The following KDM4B variants were observed in gnomAD, a reference collection of about 807,000 sequenced individuals.
The protein encoded by KDM4B is lysine demethylase 4B, also known as lysine-specific demethylase 4B.
A neutral mutation model predicts 125.2 loss-of-function variants in KDM4B; 32 were observed. The ratio of observed to expected loss-of-function variants is 0.26; its 90% CI spans 0.19 to 0.34. The LOEUF is 0.34. Ranked by LOEUF, KDM4B falls within the 10% of genes least tolerant of loss-of-function variation. The probability of loss-of-function intolerance (pLI) is 1.00; values close to 1 mark genes in which losing one functional copy is unlikely to be tolerated. For synonymous variants in KDM4B, 721 were observed against 677.9 expected (o/e 1.06, Z -0.99); for missense variants, 1,190 against 1,577.7 (o/e 0.75, Z 4.16).
intron 1 of KDM4B, among the ~76,000 whole-genome samples, chr19:4,990,855 T>C (rs916889684): frequency 6.6e-6 from 1 of 152,238 alleles, no homozygotes; most frequent in Non-Finnish European, 1.5e-5. Flanking sequence ...GTATGATGGC[T>C]CACGCCTATA....
intron 2 of KDM4B, among the ~76,000 whole-genome samples, chr19:5,018,854 A>G (rs1214229854): frequency 2.0e-5 from 3 of 152,206 alleles, no homozygotes; most frequent in Admixed American, 2.0e-4. Flanking sequence ...TGAGTGGCCC[A>G]TCCTCAGAGT....
chr19:5,100,305 T>C (rs956386338), intron 9 of KDM4B, among the ~76,000 whole-genome samples: 1 of 152,272 alleles, frequency 6.6e-6, no homozygotes, highest in African/African-American at 2.4e-5. Context: ...CCTGTCTTTC[T>C]TGTTTCTATT....
chr19:5,074,732 G>C (rs991306466), intron 7 of KDM4B: 3 of 152,366 alleles, frequency 2.0e-5, no homozygotes, highest in African/African-American at 7.2e-5. Context: ...CAGAAGCACC[G>C]TGGCCCCGCT....
In KDM4B at chr19:5,033,023, C is replaced by T; in HGVS notation, c.133C>T (p.Leu45=). The change falls in exon 3 of 23, where the codon CTG becomes TTG. Residue 45 remains leucine, a synonymous_variant. Transcript: ENST00000159111. Reference sequence around the variant, plus strand: ...GTCGCAGGGAGCCCACCGGGCGGGCCTGGCCAAGGTGGGTGACATCCTGGC... The same window carrying T: ...GTCGCAGGGAGCCCACCGGGCGGGCTTGGCCAAGGTGGGTGACATCCTGGC... The part of the protein sequence containing the change: ...IESQGAHRAG[L]AKIIPPKEWK... The T allele has an allele frequency of 6.2e-7, 1 of 1,613,582 alleles. No homozygotes were observed.
intron 1 of KDM4B, among the ~76,000 whole-genome samples, chr19:4,973,564 T>C (rs531687444): frequency 6.6e-6 from 1 of 152,292 alleles, no homozygotes; most frequent in East Asian, 1.9e-4. Context: ...ATTTGTATCT[T>C]CCCAAATACT....
At chr19:4,999,487 C>T (rs1010125830) in intron 1 of KDM4B, among the ~76,000 whole-genome samples, 17 of 152,180 alleles carry the variant, frequency 1.1e-4, no homozygotes, top group South Asian at 4.1e-4. Context: ...ACTTAGAAAC[C>T]GAGATCCAGG....
chr19:5,004,571 T>C (rs992197717), intron 1 of KDM4B, among the ~76,000 whole-genome samples: 17 of 152,210 alleles, frequency 1.1e-4, no homozygotes, highest in Admixed American at 2.0e-4. Flanking sequence ...CCAGTCCCTG[T>C]GACCCGGTGT....
intron 6 of KDM4B, among the ~76,000 whole-genome samples, chr19:5,061,834 A>C (rs1259562667): frequency 1.3e-5 from 2 of 152,000 alleles, no homozygotes; most frequent in Admixed American, 6.5e-5. Flanking sequence ...CTCTTAAAAA[A>C]AAAAAACAAA....
intron 2 of KDM4B, among the ~76,000 whole-genome samples, chr19:5,031,064 C>T (rs2036437508): frequency 6.6e-6 from 1 of 152,268 alleles, no homozygotes; most frequent in Admixed American, 6.5e-5. Context: ...CCAGCTGCGG[C>T]CTCTGCTCCC....
At chr19:5,072,782 G>A (rs1599556878) in intron 7 of KDM4B, among the ~76,000 whole-genome samples, 1 of 152,156 alleles carries the variant, frequency 6.6e-6, no homozygotes, top group Admixed American at 6.5e-5. Flanking sequence ...CATGTTAAGG[G>A]GCTAAAACCC....
At chr19:5,126,757 C>T (rs1177024592) in intron 11 of KDM4B, among the ~76,000 whole-genome samples, 5 of 152,224 alleles carry the variant, frequency 3.3e-5, no homozygotes, top group Admixed American at 6.5e-5. Context: ...CACCCGGCTG[C>T]GGGTTCAGCA....
chr19:5,111,985 C>T (rs1186114007), intron 10 of KDM4B: 6 of 610,624 alleles, frequency 9.8e-6, no homozygotes, highest in South Asian at 3.7e-5. Flanking sequence ...CAGGCACGAT[C>T]GCTCACACCT....
At chr19:4,982,335 CCAGCTACT>C (rs2034669880) in intron 1 of KDM4B, among the ~76,000 whole-genome samples, 1 of 150,640 alleles carries the variant, frequency 6.6e-6, no homozygotes, top group African/African-American at 2.4e-5. Context: ...GCCTGTAATC[CCAGCTACT>C]CAGGAGGCTG....
intron 1 of KDM4B, among the ~76,000 whole-genome samples, chr19:5,008,906 C>CTTT (rs200928850): frequency 0.022 from 2,248 of 104,338 alleles, 366 homozygotes; most frequent in African/African-American, 0.099. Flanking sequence ...TGGCCCCTGC[C>CTTT]TTTTTTTTTT....
intron 1 of KDM4B, among the ~76,000 whole-genome samples, chr19:5,006,914 G>C (rs549113371): frequency 6.6e-6 from 1 of 152,304 alleles, no homozygotes; most frequent in Admixed American, 6.5e-5. Context: ...TTCCCATGGG[G>C]CTGCTGGGAA....
At chr19:5,028,425 G>T (rs1269747112) in intron 2 of KDM4B, among the ~76,000 whole-genome samples, 1 of 152,174 alleles carries the variant, frequency 6.6e-6, no homozygotes, top group Non-Finnish European at 1.5e-5. Context: ...GCTTTTCATG[G>T]CTGTGTCGTA....
intron 9 of KDM4B, among the ~76,000 whole-genome samples, chr19:5,105,885 A>G (rs1340215796): frequency 6.6e-6 from 1 of 152,262 alleles, no homozygotes; most frequent in African/African-American, 2.4e-5. Flanking sequence ...TGTGCCAATA[A>G]AACTTTATTC....
At chr19:5,004,386 C>T (rs146885729) in intron 1 of KDM4B, among the ~76,000 whole-genome samples, 138 of 152,298 alleles carry the variant, frequency 9.1e-4, no homozygotes, top group African/African-American at 3.2e-3. Flanking sequence ...CTGTTCTCAC[C>T]GCGCATCCCG....
At chr19:5,068,877 T>C (rs2037859270) in intron 6 of KDM4B, among the ~76,000 whole-genome samples, 1 of 152,240 alleles carries the variant, frequency 6.6e-6, no homozygotes, top group Admixed American at 6.5e-5. Context: ...AATCTTATCT[T>C]TACAACTCCC....
Sources: gnomAD v4.1 joint callset for allele counts (sites outside exome capture counted in the v4.1 genomes callset) on GRCh38, gnomAD v4.1.1 for gene constraint, MANE v1.5 for transcripts, NCBI Gene and HGNC (gene_info 2026-07-23, HGNC 2026-07-21) for gene names.